Variants in KIZ observed in about 807,000 individuals in gnomAD.
The protein encoded by KIZ is centrosomal protein kizuna.
In KIZ, 68 loss-of-function variants were observed where a neutral mutation model predicts 79.6. That is an observed-to-expected ratio of 0.85 (90% CI 0.70 to 1.05). The LOEUF (loss-of-function observed/expected upper bound fraction) is 1.05, where lower values mean the gene tolerates loss of function less well. KIZ is among the 50% of genes least tolerant of loss of function. The pLI is 0.00. For missense variants in KIZ, 797 were observed against 800.4 expected (o/e 1.00, Z 0.05); for synonymous variants, 280 against 281.8 (o/e 0.99, Z 0.06).
intron 7 of KIZ, among the ~76,000 whole-genome samples, chr20:21,209,185 G>C (rs945727944): frequency 6.6e-6 from 1 of 152,096 alleles, no homozygotes; most frequent in Admixed American, 6.6e-5. Context: ...CATCAAAGCC[G>C]CAGAAACTCA....
chr20:21,167,940 C>CT (rs1181112440), intron 6 of KIZ, among the ~76,000 whole-genome samples: 1 of 151,978 alleles, frequency 6.6e-6, no homozygotes, highest in African/African-American at 2.4e-5. Context: ...TATTATTATA[C>CT]TTTAAGTTTT....
At chr20:21,209,551 G>T (rs2035977762) in intron 7 of KIZ, among the ~76,000 whole-genome samples, 1 of 152,010 alleles carries the variant, frequency 6.6e-6, no homozygotes, top group South Asian at 2.1e-4. Context: ...ATACTCATTT[G>T]CTGGGTCATA....
At chr20:21,210,002 T>A (rs2036002045) in intron 7 of KIZ, among the ~76,000 whole-genome samples, 1 of 152,238 alleles carries the variant, frequency 6.6e-6, no homozygotes, top group African/African-American at 2.4e-5. Flanking sequence ...ACTATTCTAC[T>A]ATTTATATAT....
intron 6 of KIZ, among the ~76,000 whole-genome samples, chr20:21,169,424 AAAC>A (rs1461112902): frequency 1.3e-5 from 2 of 152,158 alleles, no homozygotes; most frequent in African/African-American, 4.8e-5. Context: ...AAAAGTCAGG[AAAC>A]AACAGGTGCT....
chr20:21,223,468 A>T (rs1358447317), intron 9 of KIZ, among the ~76,000 whole-genome samples: 1 of 152,184 alleles, frequency 6.6e-6, no homozygotes, highest in Non-Finnish European at 1.5e-5. Flanking sequence ...CAACCTTGAC[A>T]ATGGAATTTG....
At chr20:21,134,667 T>G (rs1409314498) in intron 2 of KIZ, among the ~76,000 whole-genome samples, 1 of 151,304 alleles carries the variant, frequency 6.6e-6, no homozygotes, top group South Asian at 2.1e-4. Context: ...CAGGTTTTTT[T>G]TTTTTTTTTT....
chr20:21,180,303 C>G (rs1398444645), intron 6 of KIZ, among the ~76,000 whole-genome samples: 1 of 149,770 alleles, frequency 6.7e-6, no homozygotes, highest in African/African-American at 2.5e-5. Context: ...GATGACAACT[C>G]TTTTCCTAGA....
At chr20:21,235,397 AC>A (rs1173915220) in intron 11 of KIZ, among the ~76,000 whole-genome samples, 29 of 152,280 alleles carry the variant, frequency 1.9e-4, no homozygotes, top group South Asian at 1.4e-3. Flanking sequence ...ATCTTTTTCT[AC>A]CATTGTATTT....
At chr20:21,197,381 A>G (rs1600512278) in intron 6 of KIZ, 1 of 152,272 alleles carries the variant, frequency 6.6e-6, no homozygotes, top group East Asian at 1.9e-4. Flanking sequence ...ATTTTTCTAC[A>G]TTCAGAAATA....
At chr20:21,212,742 T>G (rs1287732587) in intron 7 of KIZ, among the ~76,000 whole-genome samples, 2 of 152,188 alleles carry the variant, frequency 1.3e-5, no homozygotes, top group African/African-American at 4.8e-5. Context: ...ATGGCAGTAT[T>G]CTTGTCAAGC....
intron 7 of KIZ, 143 bp downstream of exon 7, chr20:21,205,727 C>T: frequency 3.9e-6 from 2 of 507,654 alleles, no homozygotes; most frequent in South Asian, 6.3e-5. Context: ...CTTTTGGATG[C>T]TGAGGCAGGT....
intron 7 of KIZ, among the ~76,000 whole-genome samples, chr20:21,213,271 TTCCGTCCGGGC>T (rs1227626930): frequency 1.3e-5 from 2 of 150,040 alleles, no homozygotes; most frequent in African/African-American, 5.1e-5. Flanking sequence ...TTACCGGGCC[TTCCGTCCGGGC>T]CTTCCGACCG....
intron 11 of KIZ, among the ~76,000 whole-genome samples, chr20:21,239,280 G>A (rs1316172732): frequency 6.6e-6 from 1 of 152,224 alleles, no homozygotes; most frequent in African/African-American, 2.4e-5. Flanking sequence ...AGCTCACATA[G>A]CCAGGCACAT....
rs993741717 is a variant in KIZ, at chr20:21,170,501, G to A, written c.1352+7342G>A. On this transcript the variant is annotated intron_variant, in intron 6 of 12. Transcript: ENST00000619189. Reference sequence around the variant, plus strand: ...CTTCCTGGGTTCACGCCATTCTCCTGCCTCAGCCTCCCGAGTAGCTGGGAC... The same window carrying A: ...CTTCCTGGGTTCACGCCATTCTCCTACCTCAGCCTCCCGAGTAGCTGGGAC... Among the ~76,000 whole-genome samples the A allele has an allele frequency of 1.7e-4, 25 of 150,944 alleles. 1 individual carries two copies. Among genetic ancestry groups the A allele is most frequent in the Non-Finnish European group, 2.9e-4 (20 of 67,872 alleles).
In KIZ at chr20:21,222,120, C is replaced by T. The variant is rs1297074715; in HGVS notation, c.1678+6472C>T. On this transcript the variant is annotated intron_variant, in intron 9 of 12. Transcript: ENST00000619189. ...CATGGAGCCTGCTGCCTGCTACTTGCGGTAGCAAAACAGTCCTCATTATAT... is the reference window on the plus strand; with the variant it reads ...CATGGAGCCTGCTGCCTGCTACTTGTGGTAGCAAAACAGTCCTCATTATAT... 3.3e-5 allele frequency among the ~76,000 whole-genome samples: 5 copies of T among 152,314 alleles called. No individual in the cohort carries two copies. In the South Asian group the frequency reaches 6.2e-4, roughly 19 times the overall value.
rs2036207709 is a variant in KIZ, at chr20:21,214,547, T to C, written c.1459T>C (p.Leu487=). Residue 487 remains leucine, a synonymous_variant, in exon 8 of 13, where the codon TTG becomes CTG. Coordinates refer to ENST00000619189, the MANE Select transcript of KIZ (RefSeq NM_018474.6). The part of the protein sequence containing the change: ...NSVKEEATAL[L]RKALTEECGR... ...TGAAACACTGTAGGCAACAGCATTA[T>C]TGAGAAAAGCCCTTACAGAAGAGTG... The C allele has an allele frequency of 6.2e-7, 1 of 1,613,152 alleles. No homozygotes were observed. Among genetic ancestry groups the C allele is most frequent in the Admixed American group, 1.7e-5 (1 of 59,946 alleles).
chr20:21,145,633 G>A lies in KIZ; in HGVS notation c.384G>A (p.Leu128=). 6.7e-7 allele frequency: 1 copy of A among 1,495,296 alleles called. No individual in the cohort carries two copies. The highest frequency in any genetic ancestry group is 9.1e-7 in the Non-Finnish European group (1 of 1,102,448). The allele number at this position is 1,495,296 out of a possible 1,614,324, so 92.6% of individuals were successfully genotyped here. Reference sequence around the variant, plus strand: ...ATAGCCTGGGACTAAAAGAGGAACTGACAGATGAAGACAGAGAAAAGGTAA... The same window carrying A: ...ATAGCCTGGGACTAAAAGAGGAACTAACAGATGAAGACAGAGAAAAGGTAA... The part of the protein sequence containing the change: ...SKDSLGLKEE[L]TDEDREKVAV... The change falls in exon 4 of 13, where the codon CTG becomes CTA. Residue 128 remains leucine (L), a synonymous_variant. Transcript: ENST00000619189.
At chr20:21,145,275 A>G (rs1229340890) in intron 3 of KIZ, among the ~76,000 whole-genome samples, 1 of 151,886 alleles carries the variant, frequency 6.6e-6, no homozygotes, top group Non-Finnish European at 1.5e-5. Flanking sequence ...GTATACATAT[A>G]TATACACATA....
At chr20:21,215,428 T>G (rs1468620286) in intron 8 of KIZ, among the ~76,000 whole-genome samples, 155 bp from the exon 9 acceptor site, 2 of 152,098 alleles carry the variant, frequency 1.3e-5, no homozygotes, top group Non-Finnish European at 2.9e-5. Context: ...TACCTTAATT[T>G]TAGAATAGGT....
Sources: gnomAD v4.1 joint callset for allele counts (sites outside exome capture counted in the v4.1 genomes callset) on GRCh38, gnomAD v4.1.1 for gene constraint, MANE v1.5 for transcripts, NCBI Gene and HGNC (gene_info 2026-07-23, HGNC 2026-07-21) for gene names.